The following METTL9 variants were observed in gnomAD, a reference collection of about 807,000 sequenced individuals.
The protein encoded by METTL9 is protein-L-histidine N-pros-methyltransferase.
METTL9 carries 10 observed loss-of-function variants against 36.0 expected under a neutral mutation model. The observed-to-expected ratio is 0.28, with a 90% CI of 0.17 to 0.47. The LOEUF (loss-of-function observed/expected upper bound fraction) is 0.47, where lower values mean the gene tolerates loss of function less well. Ranked by LOEUF, METTL9 falls within the 20% of genes least tolerant of loss-of-function variation. METTL9 has a pLI of 0.99. For missense variants in METTL9, 246 were observed against 383.5 expected, an observed-to-expected ratio of 0.64 and a Z score of 3.00; for synonymous variants, 175 against 149.7, an observed-to-expected ratio of 1.17 and a Z score of -1.23.
chr16:21,649,545 T>C (rs1175367127), intron 4 of METTL9, among the ~76,000 whole-genome samples: 1 of 152,128 alleles, frequency 6.6e-6, no homozygotes, highest in Non-Finnish European at 1.5e-5. Flanking sequence ...ACAAGTACAG[T>C]GAAACATTTT....
chr16:21,649,208 A>C (rs1464588298), intron 4 of METTL9, among the ~76,000 whole-genome samples: 3 of 152,030 alleles, frequency 2.0e-5, no homozygotes, highest in Non-Finnish European at 4.4e-5. Flanking sequence ...ACCTAGGCTG[A>C]TCTTGCACCC....
rs189739425 is a variant in METTL9 at position 21,647,413 on chromosome 16, T to C, written c.752-7814T>C. 240 of 1,614,058 alleles carry C rather than the reference T, an allele frequency of 1.5e-4. No individual in the cohort carries two copies. The East Asian group carries it at 3.7e-3, about 25-fold the overall frequency. On this transcript the variant is annotated intron_variant, in intron 4 of 4. Coordinates refer to ENST00000358154, the MANE Select transcript of METTL9 (RefSeq NM_016025.5). ...ATCCGGTTGCGGAGAAGGTACACTTTATGGTGACGGCCTCATGAGTGTAGT... is the reference window on the plus strand; with the variant it reads ...ATCCGGTTGCGGAGAAGGTACACTTCATGGTGACGGCCTCATGAGTGTAGT...
chr16:21,629,517 C>T (rs1191430982), intron 4 of METTL9, among the ~76,000 whole-genome samples: 1 of 152,106 alleles, frequency 6.6e-6, no homozygotes, highest in Non-Finnish European at 1.5e-5. Flanking sequence ...AAGCTACAAA[C>T]CTTTGCGGTG....
chr16:21,637,558 T>C lies in METTL9; in HGVS notation c.751+12443T>C, dbSNP rs890202035. Among the ~76,000 whole-genome samples the C allele has an allele frequency of 5.8e-4, 88 of 152,222 alleles. 1 individual carries two copies. The highest frequency in any genetic ancestry group is 2.0e-3 in the African/African-American group (84 of 41,468). On this transcript the variant is annotated intron_variant, in intron 4 of 4. Coordinates refer to ENST00000358154, the MANE Select transcript of METTL9 (RefSeq NM_016025.5). ...AGCCAGCTTCACCTCTCAATGGCACTGGCTGCGGGACTTTGTGGCACCTAG... is the reference window on the plus strand; with the variant it reads ...AGCCAGCTTCACCTCTCAATGGCACCGGCTGCGGGACTTTGTGGCACCTAG...
chr16:21,629,836 C>T (rs554662858), intron 4 of METTL9, among the ~76,000 whole-genome samples: 2 of 152,266 alleles, frequency 1.3e-5, no homozygotes, highest in Admixed American at 1.3e-4. Context: ...CTGATTGGTC[C>T]ATTTTACAGA....
intron 4 of METTL9, among the ~76,000 whole-genome samples, chr16:21,631,613 G>C (rs1000065174): frequency 6.6e-5 from 10 of 152,146 alleles, no homozygotes; most frequent in Admixed American, 3.9e-4. Flanking sequence ...ACCATCTATC[G>C]TCCTGTCCTG....
chr16:21,602,783 G>A (rs1054176075), intron 1 of METTL9, among the ~76,000 whole-genome samples: 8 of 151,432 alleles, frequency 5.3e-5, no homozygotes, highest in Admixed American at 2.6e-4. Flanking sequence ...TCAGCCTCCC[G>A]AGTAGCTGGG....
intron 1 of METTL9, among the ~76,000 whole-genome samples, chr16:21,610,250 G>T (rs1268230746): frequency 6.6e-6 from 1 of 152,204 alleles, no homozygotes; most frequent in Non-Finnish European, 1.5e-5. Flanking sequence ...TACACAGTAT[G>T]TGGTCTTTTG....
intron 2 of METTL9, among the ~76,000 whole-genome samples, chr16:21,617,585 C>T (rs886690196): frequency 2.0e-5 from 3 of 151,554 alleles, no homozygotes; most frequent in Admixed American, 6.6e-5. Context: ...AAAAATAAGC[C>T]GGGTGTGGTG....
At chr16:21,642,833 A>G (rs1330620430) in intron 4 of METTL9, among the ~76,000 whole-genome samples, 1 of 152,190 alleles carries the variant, frequency 6.6e-6, no homozygotes, top group East Asian at 1.9e-4. Context: ...CTCGTGTCTA[A>G]TGTGTTTCTG....
At chr16:21,630,906 G>A (rs536813397) in intron 4 of METTL9, among the ~76,000 whole-genome samples, 1 of 152,228 alleles carries the variant, frequency 6.6e-6, no homozygotes, top group South Asian at 2.1e-4. Context: ...GATTTCAGAA[G>A]CCTTTTCCTG....
chr16:21,599,813 C>T lies in METTL9; in HGVS notation c.80C>T (p.Pro27Leu). Residue 27 changes from proline (P) to leucine (L), a missense_variant, in exon 1 of 5, where the codon CCG becomes CTG. Transcript: ENST00000358154. The surrounding 1 kb of genome is among the most constrained non-coding windows in gnomAD (Gnocchi z 4.4). ...CGGAGGATGTGGACGCTGCGGAGCC[C>T]GCTCACCCGCTCCCTGTACGTGAAC... ...LARRMWTLRS[P>L]LTRSLYVNMT... 2 of 1,546,116 alleles carry T rather than the reference C, an allele frequency of 1.3e-6. No individual in the cohort carries two copies. Among genetic ancestry groups the T allele is most frequent in the Non-Finnish European group, 1.7e-6 (2 of 1,153,074 alleles).
chr16:21,616,378 G>A (rs530249771), intron 2 of METTL9, among the ~76,000 whole-genome samples: 2 of 152,312 alleles, frequency 1.3e-5, no homozygotes, highest in East Asian at 3.9e-4. Flanking sequence ...TTATCTGTGA[G>A]TTCCACTTCA....
At chr16:21,644,318 A>C (rs1161229294) in intron 4 of METTL9, 1 of 1,613,716 alleles carries the variant, frequency 6.2e-7, no homozygotes, top group African/African-American at 1.3e-5. Context: ...GGCCACGCAC[A>C]CACCGGTCAC....
intron 2 of METTL9, among the ~76,000 whole-genome samples, chr16:21,616,678 A>G (rs1289249695): frequency 1.3e-5 from 2 of 152,220 alleles, no homozygotes; most frequent in African/African-American, 4.8e-5. Context: ...ATAAACTGAC[A>G]TAAGTACGAA....
intron 4 of METTL9, among the ~76,000 whole-genome samples, chr16:21,627,741 G>A (rs117288527): frequency 6.6e-6 from 1 of 152,122 alleles, no homozygotes; most frequent in African/African-American, 2.4e-5. Flanking sequence ...GAGGTCAGGA[G>A]ATCGAGACCA....
Position 21,607,847 on chromosome 16 carries a change from C to A in METTL9, c.166-4798C>A, listed in dbSNP as rs547690993. On this transcript the variant is annotated intron_variant, in intron 1 of 4. Coordinates refer to ENST00000358154, the MANE Select transcript of METTL9 (RefSeq NM_016025.5). ...GTCTCTGTAGTCTTTAAGGAGCACA[C>A]ATTTAAAGAACTCACCTGCGGCTGG... Among the ~76,000 whole-genome samples the A allele has an allele frequency of 2.0e-5, 3 of 152,248 alleles. No individual in the cohort carries two copies. The East Asian group carries it at 5.8e-4, about 29-fold the overall frequency.
chr16:21,631,449 T>G (rs999219207), intron 4 of METTL9, among the ~76,000 whole-genome samples: 1 of 152,220 alleles, frequency 6.6e-6, no homozygotes, highest in Non-Finnish European at 1.5e-5. Flanking sequence ...CCTTCCTGAT[T>G]CTGTAAGTAC....
intron 1 of METTL9, among the ~76,000 whole-genome samples, chr16:21,603,003 C>T (rs1965178694): frequency 6.6e-6 from 1 of 152,132 alleles, no homozygotes; most frequent in African/African-American, 2.4e-5. Context: ...ATTCATTTAC[C>T]TGTGGTCTAT....
Sources: gnomAD v4.1 joint callset for allele counts (sites outside exome capture counted in the v4.1 genomes callset) on GRCh38, gnomAD v4.1.1 for gene constraint, Gnocchi (gnomAD v3.1) non-coding constraint, MANE v1.5 for transcripts, NCBI Gene and HGNC (gene_info 2026-07-23, HGNC 2026-07-21) for gene names.